The following PC variants were observed in gnomAD, a reference collection of about 807,000 sequenced individuals.
PC encodes the protein pyruvate carboxylase, mitochondrial.
In PC, 46 loss-of-function variants were observed where a neutral mutation model predicts 107.8. That is an observed-to-expected ratio of 0.43 (90% CI 0.34 to 0.55). PC has a LOEUF of 0.55. Among genes scored for constraint, PC ranks in the 20% least tolerant of loss-of-function variants. The pLI is 0.04. For synonymous variants in PC, 662 were observed against 684.7 expected (o/e 0.97, Z 0.52); for missense variants, 1,241 against 1,643.1 (o/e 0.76, Z 4.23).
intron 1 of PC, among the ~76,000 whole-genome samples, chr11:66,955,972 C>T (rs1454849912): frequency 6.6e-6 from 1 of 152,022 alleles, no homozygotes; most frequent in Non-Finnish European, 1.5e-5. Context: ...GGGGTTTCAC[C>T]ATGTTGGCCA....
chr11:66,950,664 G>C (rs894517466), intron 3 of PC, among the ~76,000 whole-genome samples: 2 of 152,178 alleles, frequency 1.3e-5, no homozygotes, highest in Non-Finnish European at 2.9e-5. Context: ...CCTGGAAGAA[G>C]AGGTCCCTTC....
At chr11:66,946,092 CAAAAAAAAAAA>C (rs757767116) in intron 3 of PC, among the ~76,000 whole-genome samples, 1 of 66,076 alleles carries the variant, frequency 1.5e-5, no homozygotes, top group South Asian at 5.4e-4. Flanking sequence ...GACTCCGTCT[CAAAAAAAAAAA>C]AAAAAAAAAA....
At chr11:66,861,478 C>T (rs1311152113) in intron 12 of PC, among the ~76,000 whole-genome samples, 1 of 152,242 alleles carries the variant, frequency 6.6e-6, no homozygotes, top group South Asian at 2.1e-4. Context: ...CGTGTGTTCA[C>T]GTGTGCATGG....
chr11:66,870,198 C>A lies in PC; in HGVS notation c.903+104G>T. The A allele has an allele frequency of 7.0e-7, 1 of 1,418,462 alleles. No individual in the cohort carries two copies. The highest frequency in any genetic ancestry group is 1.4e-5 in the African/African-American group (1 of 71,428). 87.9% of individuals were successfully genotyped at this position (1,418,462 alleles called of 1,614,324 possible). ...CCCTCTTCTCCCCATCCCCAGTCCCCAGAAGGGGACTCAGGGTCCCCTTCC... is the reference window on the plus strand; with the variant it reads ...CCCTCTTCTCCCCATCCCCAGTCCCAAGAAGGGGACTCAGGGTCCCCTTCC... On this transcript the variant is annotated intron_variant, in intron 9 of 22. Coordinates refer to ENST00000393960, the MANE Select transcript of PC (RefSeq NM_001040716.2). This position sits in a 1 kb window ranked among gnomAD's most constrained non-coding sequence, Gnocchi z 6.1.
In PC at chr11:66,857,698, G is replaced by C; in HGVS notation, c.1369-4315C>G. On this transcript the variant is annotated intron_variant, in intron 12 of 22. Coordinates refer to ENST00000393960, the MANE Select transcript of PC (RefSeq NM_001040716.2). The surrounding 1 kb of genome is among the most constrained non-coding windows in gnomAD (Gnocchi z 7.1). Reference sequence around the variant, plus strand: ...TGGGCCCAAGTGGGCACCTGCGCCAGCCCCACCTGTGCCTGGGCTGTGGCC... The same window carrying C: ...TGGGCCCAAGTGGGCACCTGCGCCACCCCCACCTGTGCCTGGGCTGTGGCC... The C allele has an allele frequency of 6.5e-7, 1 of 1,547,756 alleles. No homozygotes were observed. Among genetic ancestry groups the C allele is most frequent in the South Asian group, 1.2e-5 (1 of 83,972 alleles).
In PC at chr11:66,858,291, G is replaced by T. The variant is rs560005995; in HGVS notation, c.1369-4908C>A. The T allele has an allele frequency of 6.2e-7, 1 of 1,611,366 alleles. No individual in the cohort carries two copies. Among genetic ancestry groups the T allele is most frequent in the Non-Finnish European group, 8.5e-7 (1 of 1,179,884 alleles). On this transcript the variant is annotated intron_variant, in intron 12 of 22. Transcript: ENST00000393960. The surrounding 1 kb of genome is among the most constrained non-coding windows in gnomAD (Gnocchi z 5.9). ...CAACCTGGACCATAACCTTATTGACGCACTGCCCCCAGGCGCCTTCGCCCA... is the reference window on the plus strand; with the variant it reads ...CAACCTGGACCATAACCTTATTGACTCACTGCCCCCAGGCGCCTTCGCCCA...
rs11346699 is a variant in PC at position 66,936,078 on chromosome 11, C to CA, written c.-1+16351dup. ...TGAGTGACAGAGTGAGACCCTGTCTCAAAAAAAAAAAAAAAAAAAATCAGC... is the reference window on the plus strand; with the variant it reads ...TGAGTGACAGAGTGAGACCCTGTCTCAAAAAAAAAAAAAAAAAAAAATCAGC... On this transcript the variant is annotated intron_variant, in intron 3 of 22. Transcript: ENST00000393960. Among the ~76,000 whole-genome samples the CA allele has an allele frequency of 5.6e-3, 583 of 104,846 alleles. 5 individuals carry two copies. Among genetic ancestry groups the CA allele is most frequent in the East Asian group, 0.023 (84 of 3,634 alleles). The allele number at this position is 104,846 out of a possible 152,430, so 68.8% of individuals were successfully genotyped here.
chr11:66,921,620 A>G (rs559813514), intron 3 of PC, among the ~76,000 whole-genome samples: 1 of 152,060 alleles, frequency 6.6e-6, no homozygotes, highest in East Asian at 1.9e-4. Context: ...GGGGTGGGAG[A>G]CAGGAGCCTA....
rs1555049847 is a variant in PC at position 66,945,420 on chromosome 11, G to GGC, written c.-1+7009_-1+7010insGC. On this transcript the variant is annotated intron_variant, in intron 3 of 22. Coordinates refer to ENST00000393960, the MANE Select transcript of PC (RefSeq NM_001040716.2). ...AGATTAACTGAATTCAAATGGTTTG[G>GGC]GGGGGCGGGTCGGAACTGCAGAGTT... Among the ~76,000 whole-genome samples the GGC allele has an allele frequency of 3.1e-5, 3 of 97,266 alleles. 1 individual carries two copies. Among genetic ancestry groups the GGC allele is most frequent in the African/African-American group, 8.2e-5 (2 of 24,396 alleles). 63.8% of individuals were successfully genotyped at this position (97,266 alleles called of 152,430 possible). A position where few individuals can be genotyped will look rare whatever the true frequency, so the allele number is the denominator to read the frequency against.
chr11:66,952,187 C>T (rs926073396), intron 3 of PC: 2 of 152,296 alleles, frequency 1.3e-5, no homozygotes, highest in Non-Finnish European at 2.9e-5. Context: ...CCAGGGCCTT[C>T]TGCTGAGGCT....
At chr11:66,883,523 G>A (rs1392724800) in intron 3 of PC, among the ~76,000 whole-genome samples, 1 of 152,090 alleles carries the variant, frequency 6.6e-6, no homozygotes, top group Non-Finnish European at 1.5e-5. Flanking sequence ...CCCACCCATC[G>A]TCCTGCTCAG....
intron 3 of PC, among the ~76,000 whole-genome samples, chr11:66,873,400 TATA>T (rs1946821133): frequency 1.0e-5 from 1 of 99,360 alleles, no homozygotes; most frequent in Non-Finnish European, 1.9e-5. Flanking sequence ...TTATATATAA[TATA>T]ATATAAATAT....
In PC at chr11:66,871,641, C is replaced by A. The variant is rs775884043; in HGVS notation, c.321+46G>T. The stretch of plus-strand genomic sequence containing the variant: ...CAAGAGACCCCCGCGGCAACTAAGA[C>A]TCCCTGGTCCCTGCTGTCCAGGCCC... On this transcript the variant is annotated intron_variant, in intron 5 of 22. Transcript: ENST00000393960. This position sits in a 1 kb window ranked among gnomAD's most constrained non-coding sequence, Gnocchi z 7.4. 1.0e-5 allele frequency: 16 copies of A among 1,562,562 alleles called. No individual in the cohort carries two copies. Among genetic ancestry groups the A allele is most frequent in the Non-Finnish European group, 1.3e-5 (15 of 1,152,546 alleles).
chr11:66,859,625 C>T (rs745554440), intron 12 of PC: 20 of 1,612,532 alleles, frequency 1.2e-5, no homozygotes, highest in Admixed American at 1.7e-5. Flanking sequence ...GACCACCTGC[C>T]CTTGCCTGCA....
intron 11 of PC, among the ~76,000 whole-genome samples, chr11:66,865,645 C>A (rs760939317): frequency 1.3e-5 from 2 of 152,314 alleles, no homozygotes; most frequent in Non-Finnish European, 2.9e-5. Context: ...CTCTCTCCCC[C>A]ACCAAGGCTG....
At chr11:66,929,429 C>G (rs1243253070) in intron 3 of PC, among the ~76,000 whole-genome samples, 1 of 152,062 alleles carries the variant, frequency 6.6e-6, no homozygotes, top group Non-Finnish European at 1.5e-5. Flanking sequence ...TGCAGTGGCC[C>G]AATCTCAGCT....
chr11:66,854,812 A>C (rs2135832165), intron 12 of PC, among the ~76,000 whole-genome samples: 1 of 152,312 alleles, frequency 6.6e-6, no homozygotes, highest in South Asian at 2.1e-4. Flanking sequence ...CTCACCACAG[A>C]GTGGGACCCC....
intron 3 of PC, among the ~76,000 whole-genome samples, chr11:66,918,760 G>T (rs1238075538): frequency 6.6e-6 from 1 of 152,048 alleles, no homozygotes; most frequent in African/African-American, 2.4e-5. Context: ...TAAATAAAAG[G>T]CTTCCTCACC....
chr11:66,957,621 A>G (rs1310367836), intron 1 of PC: 1 of 152,370 alleles, frequency 6.6e-6, no homozygotes, highest in African/African-American at 2.4e-5. Flanking sequence ...CTGTCTAAAA[A>G]AGAAAAGAAA....
Sources: gnomAD v4.1 joint callset for allele counts (sites outside exome capture counted in the v4.1 genomes callset) on GRCh38, gnomAD v4.1.1 for gene constraint, Gnocchi (gnomAD v3.1) non-coding constraint, MANE v1.5 for transcripts, NCBI Gene and HGNC (gene_info 2026-07-23, HGNC 2026-07-21) for gene names.